The following VEPH1 variants were observed in gnomAD, a reference collection of about 807,000 sequenced individuals.
The protein encoded by VEPH1 is ventricular zone expressed PH domain containing 1.
VEPH1 carries 80 observed loss-of-function variants against 85.2 expected under a neutral mutation model. The observed-to-expected ratio is 0.94, with a 90% confidence interval of 0.78 to 1.13. VEPH1 has a LOEUF of 1.13. VEPH1 is among the 50% of genes most tolerant of loss of function. The probability of loss-of-function intolerance (pLI) is 0.00; values close to 1 mark genes in which losing one functional copy is unlikely to be tolerated. For missense variants in VEPH1, 955 were observed against 980.5 expected (o/e 0.97, Z 0.35); for synonymous variants, 297 against 348.0 (o/e 0.85, Z 1.63).
At position 157,369,193 on chromosome 3, in the gene VEPH1, A is replaced by ACAAAACAAAAAAAAAAAAC. The variant is rs1417067119; in HGVS notation, c.1128-4682_1128-4681insGTTTTTTTTTTTTGTTTTG. On this transcript the variant is annotated intron_variant, in intron 7 of 13. Coordinates refer to ENST00000362010, the MANE Select transcript of VEPH1 (RefSeq NM_001167912.2). ...CAAAAACCAAATGAAAAAAAAAAAA[A>ACAAAACAAAAAAAAAAAAC]AAAAAAAAAAACCTCCTGAGGTCTA... Among the ~76,000 whole-genome samples, 5 of 140,632 alleles carry ACAAAACAAAAAAAAAAAAC rather than the reference A, an allele frequency of 3.6e-5. No individual in the cohort carries two copies. The East Asian group carries it at 1.1e-3, about 31-fold the overall frequency. The allele number at this position is 140,632 out of a possible 152,430, so 92.3% of individuals were successfully genotyped here.
intron 4 of VEPH1, among the ~76,000 whole-genome samples, chr3:157,429,381 T>A (rs1175578082): frequency 2.0e-5 from 3 of 152,206 alleles, no homozygotes; most frequent in Non-Finnish European, 4.4e-5. Context: ...TGGACCTTCA[T>A]TAAATGGTAG....
chr3:157,407,164 A>G (rs1297890185), intron 6 of VEPH1, among the ~76,000 whole-genome samples: 1 of 152,196 alleles, frequency 6.6e-6, no homozygotes, highest in African/African-American at 2.4e-5. Context: ...AAAACCCTCT[A>G]AAGTGGAAAC....
intron 12 of VEPH1, among the ~76,000 whole-genome samples, chr3:157,274,109 G>T (rs2108302814): frequency 6.6e-6 from 1 of 152,244 alleles, no homozygotes; most frequent in Admixed American, 6.5e-5. Context: ...AACACAAATG[G>T]CTGTGGGGGT....
intron 4 of VEPH1, among the ~76,000 whole-genome samples, chr3:157,452,855 A>C (rs924539702): frequency 6.6e-6 from 1 of 152,062 alleles, no homozygotes; most frequent in Non-Finnish European, 1.5e-5. Flanking sequence ...TTCATTTCCC[A>C]CTATTCATTC....
At chr3:157,396,838 G>A (rs758939203) in intron 6 of VEPH1, among the ~76,000 whole-genome samples, 6 of 151,834 alleles carry the variant, frequency 4.0e-5, no homozygotes, top group Non-Finnish European at 5.9e-5. Context: ...TAGATTCTAG[G>A]TATTAGACTT....
intron 11 of VEPH1, among the ~76,000 whole-genome samples, chr3:157,287,665 A>G (rs1022423890): frequency 6.6e-6 from 1 of 151,684 alleles, no homozygotes; most frequent in Admixed American, 6.6e-5. Flanking sequence ...CCTGGGTTCA[A>G]GTGATTCTCG....
rs1714852345 is a variant in VEPH1 at position 157,272,614 on chromosome 3, C to A, written c.2129-6952G>T. Among the ~76,000 whole-genome samples, 3 of 136,208 alleles carry A rather than the reference C, an allele frequency of 2.2e-5. 1 individual carries two copies. The highest frequency in any genetic ancestry group is 8.3e-5 in the African/African-American group (3 of 35,940). 89.4% of individuals were successfully genotyped at this position (136,208 alleles called of 152,430 possible). ...CTGGGACCACAGGCACGTGTCACCA[C>A]ATCTGGCTGGTTTTAAAAATTTTTT... On this transcript the variant is annotated intron_variant, in intron 12 of 13. Transcript: ENST00000362010.
intron 9 of VEPH1, among the ~76,000 whole-genome samples, chr3:157,352,131 C>CT (rs1228909754): frequency 3.9e-5 from 6 of 152,222 alleles, no homozygotes; most frequent in African/African-American, 1.4e-4. Context: ...ACTTAGTACA[C>CT]TTTTATTTAT....
chr3:157,352,955 T>C (rs1427742513), intron 9 of VEPH1, among the ~76,000 whole-genome samples: 2 of 152,156 alleles, frequency 1.3e-5, no homozygotes, highest in African/African-American at 2.4e-5. Context: ...GGAGCCTCTA[T>C]AGGGAGCAGA....
intron 13 of VEPH1, among the ~76,000 whole-genome samples, chr3:157,263,176 G>A (rs1026452758): frequency 4.6e-5 from 7 of 152,152 alleles, no homozygotes; most frequent in Non-Finnish European, 8.8e-5. Context: ...AGCTTCAGCA[G>A]GATTGTTGAC....
rs1166625361 is a variant in VEPH1, at chr3:157,274,605, C to T, written c.2129-8943G>A. On this transcript the variant is annotated intron_variant, in intron 12 of 13. Transcript: ENST00000362010. ...CTTGAACTCCTGGGCTCAAGCGATTCTCCTGCCTCAGCCCCCCAAGTAACT... is the reference window on the plus strand; with the variant it reads ...CTTGAACTCCTGGGCTCAAGCGATTTTCCTGCCTCAGCCCCCCAAGTAACT... Among the ~76,000 whole-genome samples, 3 of 152,282 alleles carry T rather than the reference C, an allele frequency of 2.0e-5. No individual in the cohort carries two copies. The East Asian group carries it at 5.8e-4, about 29-fold the overall frequency.
intron 4 of VEPH1, among the ~76,000 whole-genome samples, chr3:157,434,456 T>C (rs1733398179): frequency 6.6e-6 from 1 of 152,024 alleles, no homozygotes; most frequent in African/African-American, 2.4e-5. Flanking sequence ...AGACTACAGG[T>C]GCATATCACC....
rs138423662 is a variant in VEPH1, at chr3:157,468,057, C to T, written c.354+2257G>A. On this transcript the variant is annotated intron_variant, in intron 3 of 13. Transcript: ENST00000362010. Reference sequence around the variant, plus strand: ...GCATTTGAGAAAGGTAGCATGCTTACGATTCTCTGATCTTGGTCTTATTTC... The same window carrying T: ...GCATTTGAGAAAGGTAGCATGCTTATGATTCTCTGATCTTGGTCTTATTTC... 1.2e-3 allele frequency among the ~76,000 whole-genome samples: 187 copies of T among 152,328 alleles called. 1 individual carries two copies. In the East Asian group the frequency reaches 0.014, roughly 12 times the overall value.
intron 7 of VEPH1, among the ~76,000 whole-genome samples, chr3:157,375,504 C>T (rs565564583): frequency 6.6e-6 from 1 of 152,258 alleles, no homozygotes; most frequent in African/African-American, 2.4e-5. Context: ...TACATTAGGG[C>T]CACACAATAC....
At chr3:157,317,653 G>T (rs1353004036) in intron 9 of VEPH1, among the ~76,000 whole-genome samples, 2 of 152,142 alleles carry the variant, frequency 1.3e-5, no homozygotes, top group African/African-American at 4.8e-5. Flanking sequence ...AATAACTCTG[G>T]CTGAGGTGTA....
At chr3:157,412,600 G>C (rs773366964) in intron 6 of VEPH1, among the ~76,000 whole-genome samples, 1 of 152,166 alleles carries the variant, frequency 6.6e-6, no homozygotes, top group Admixed American at 6.6e-5. Context: ...TCTCTTGGCA[G>C]AAAAGGTGAC....
At chr3:157,369,200 A>AAAAAC (rs1727199055) in intron 7 of VEPH1, among the ~76,000 whole-genome samples, 1 of 148,482 alleles carries the variant, frequency 6.7e-6, no homozygotes, top group Non-Finnish European at 1.5e-5. Context: ...AAAAAAAAAA[A>AAAAAC]AAAACCTCCT....
intron 7 of VEPH1, among the ~76,000 whole-genome samples, chr3:157,373,716 TC>T (rs1727766419): frequency 6.6e-6 from 1 of 152,186 alleles, no homozygotes; most frequent in Non-Finnish European, 1.5e-5. Context: ...ACTTTGGTGT[TC>T]TCTGTCTTGC....
intron 11 of VEPH1, among the ~76,000 whole-genome samples, chr3:157,307,340 A>G (rs1351871343): frequency 1.3e-5 from 2 of 151,932 alleles, no homozygotes; most frequent in Admixed American, 6.6e-5. Context: ...TCCTGGAGCT[A>G]TAAAGATAAC....
Sources: gnomAD v4.1 joint callset for allele counts (sites outside exome capture counted in the v4.1 genomes callset) on GRCh38, gnomAD v4.1.1 for gene constraint, MANE v1.5 for transcripts, NCBI Gene and HGNC (gene_info 2026-07-23, HGNC 2026-07-21) for gene names.